XYLT1: variants seen among roughly 807,000 people sequenced by gnomAD.
XYLT1 encodes beta-D-xylosyltransferase 1.
A neutral mutation model predicts 91.3 loss-of-function variants in XYLT1; 36 were observed. The observed-to-expected ratio is 0.39, with a 90% CI of 0.30 to 0.52. XYLT1 has a LOEUF of 0.52. Ranked by LOEUF, XYLT1 falls within the 20% of genes least tolerant of loss-of-function variation. XYLT1 has a pLI of 0.68. For synonymous variants in XYLT1, 588 were observed against 532.0 expected, an observed-to-expected ratio of 1.11 and a Z score of -1.45; for missense variants, 1,242 against 1,284.5, an observed-to-expected ratio of 0.97 and a Z score of 0.51.
chr16:17,389,175 A>T (rs2035785157), intron 1 of XYLT1, among the ~76,000 whole-genome samples: 1 of 152,222 alleles, frequency 6.6e-6, no homozygotes, highest in South Asian at 2.1e-4. Context: ...AGCATTGTTG[A>T]TCCCCAAGAA....
chr16:17,323,410 A>G (rs1319926112), intron 2 of XYLT1, among the ~76,000 whole-genome samples: 1 of 152,210 alleles, frequency 6.6e-6, no homozygotes, highest in Admixed American at 6.5e-5. Flanking sequence ...AGCAGGGATA[A>G]TTAAAACCCC....
At chr16:17,428,143 A>G (rs2036341941) in intron 1 of XYLT1, among the ~76,000 whole-genome samples, 1 of 151,996 alleles carries the variant, frequency 6.6e-6, no homozygotes, top group Non-Finnish European at 1.5e-5. Context: ...ACCATCACGC[A>G]CAGCTAGTTT....
At chr16:17,295,390 C>G (rs2034294769) in intron 2 of XYLT1, among the ~76,000 whole-genome samples, 1 of 151,988 alleles carries the variant, frequency 6.6e-6, no homozygotes, top group South Asian at 2.1e-4. Flanking sequence ...GATTCTTGCC[C>G]TGTCACACAG....
intron 2 of XYLT1, among the ~76,000 whole-genome samples, chr16:17,331,231 C>T (rs4780695): frequency 0.57 from 86,070 of 152,138 alleles, 24,897 homozygotes; most frequent in Admixed American, 0.64. Flanking sequence ...TTCTCAGGGC[C>T]GCCTTGACCA....
At chr16:17,409,642 C>T (rs777851035) in intron 1 of XYLT1, among the ~76,000 whole-genome samples, 15 of 148,358 alleles carry the variant, frequency 1.0e-4, no homozygotes, top group Admixed American at 9.0e-4. Context: ...CTCTGCCTAT[C>T]GGGTTCATGT....
At chr16:17,270,601 G>A (rs1012149389) in intron 2 of XYLT1, among the ~76,000 whole-genome samples, 9 of 152,226 alleles carry the variant, frequency 5.9e-5, no homozygotes, top group Non-Finnish European at 2.9e-5. Context: ...AAAATGGAAC[G>A]AGAAGAAGAA....
intron 10 of XYLT1, among the ~76,000 whole-genome samples, chr16:17,120,183 C>CTATT (rs1377176167): frequency 6.6e-6 from 1 of 152,206 alleles, no homozygotes; most frequent in Admixed American, 6.5e-5. Context: ...TAAAAGGATA[C>CTATT]TATTTATTGA....
chr16:17,313,010 G>C (rs1167533582), intron 2 of XYLT1, among the ~76,000 whole-genome samples: 4 of 152,206 alleles, frequency 2.6e-5, no homozygotes, highest in Admixed American at 6.5e-5. Flanking sequence ...AGCTGGGAGA[G>C]AGGGCATGTC....
intron 5 of XYLT1, among the ~76,000 whole-genome samples, chr16:17,183,709 A>G (rs1386460762): frequency 2.0e-5 from 3 of 152,224 alleles, no homozygotes; most frequent in Non-Finnish European, 4.4e-5. Flanking sequence ...ATGATTAGCT[A>G]CTGGAGTATG....
intron 3 of XYLT1, among the ~76,000 whole-genome samples, chr16:17,251,608 G>A (rs1441100920): frequency 6.6e-6 from 1 of 152,188 alleles, no homozygotes; most frequent in East Asian, 1.9e-4. Context: ...CAGAGAGGCT[G>A]GTGGCCGTGA....
At chr16:17,421,562 G>A (rs2036251960) in intron 1 of XYLT1, among the ~76,000 whole-genome samples, 5 of 152,148 alleles carry the variant, frequency 3.3e-5, no homozygotes, top group Admixed American at 3.3e-4. Context: ...CTACCCTGAG[G>A]CCATCCAGCT....
At chr16:17,131,304 CAG>C (rs2030463641) in intron 9 of XYLT1, among the ~76,000 whole-genome samples, 1 of 152,206 alleles carries the variant, frequency 6.6e-6, no homozygotes, top group South Asian at 2.1e-4. Context: ...TGTCTCAAAA[CAG>C]AAAAATAATC....
chr16:17,200,184 G>A (rs1374232800), intron 4 of XYLT1, among the ~76,000 whole-genome samples: 3 of 151,204 alleles, frequency 2.0e-5, no homozygotes, highest in Admixed American at 1.3e-4. Context: ...TCATGCCACG[G>A]CACTCCAGCC....
At chr16:17,143,654 G>A (rs529264836) in intron 6 of XYLT1, among the ~76,000 whole-genome samples, 30 of 152,182 alleles carry the variant, frequency 2.0e-4, no homozygotes, top group Admixed American at 7.9e-4. Context: ...TCACTTCATC[G>A]ATCAGATTGC....
intron 1 of XYLT1, among the ~76,000 whole-genome samples, chr16:17,450,990 G>A (rs745932259): frequency 2.9e-4 from 44 of 152,194 alleles, no homozygotes; most frequent in Non-Finnish European, 4.3e-4. Context: ...CGAAAAAGCC[G>A]TTGCATGCAA....
chr16:17,294,696 A>C (rs113172979), intron 2 of XYLT1, among the ~76,000 whole-genome samples: 158 of 152,140 alleles, frequency 1.0e-3, no homozygotes, highest in Non-Finnish European at 1.9e-3. Flanking sequence ...TCTTTCCCCC[A>C]CCTAGGAATC....
intron 2 of XYLT1, among the ~76,000 whole-genome samples, chr16:17,272,247 G>A (rs36044961): frequency 0.26 from 37,019 of 144,190 alleles, 4,838 homozygotes; most frequent in Middle Eastern, 0.36. Flanking sequence ...CTGCAACCTC[G>A]GCCTCCAAGG....
At chr16:17,127,574 C>G in intron 10 of XYLT1, 92 bp downstream of exon 10, 2 of 1,442,750 alleles carry the variant, frequency 1.4e-6, no homozygotes, top group Non-Finnish European at 1.9e-6. Flanking sequence ...CTCTTCTCCT[C>G]CATCTCCAAC....
rs6498661 is a variant in XYLT1 at position 17,109,107 on chromosome 16, T to C, written c.2558-90A>G. ...ACCCTGTGCCTGGTGCTGCACTGGGTGCCATGCATCGCCTCATTTAATTCA... is the reference window on the plus strand; with the variant it reads ...ACCCTGTGCCTGGTGCTGCACTGGGCGCCATGCATCGCCTCATTTAATTCA... On this transcript the variant is annotated intron_variant, in intron 11 of 11. Transcript: ENST00000261381. The C allele has an allele frequency of 0.016, 20,626 of 1,287,084 alleles. 2,528 individuals are homozygous for C. The African/African-American group carries it at 0.27, about 17-fold the overall frequency. The allele number at this position is 1,287,084 out of a possible 1,614,324, so 79.7% of individuals were successfully genotyped here.
Sources: allele counts gnomAD v4.1 joint callset (sites outside exome capture counted in the v4.1 genomes callset), GRCh38; gene constraint gnomAD v4.1.1; transcripts MANE v1.5; gene names NCBI Gene and HGNC (gene_info 2026-07-23, HGNC 2026-07-21).